SNX31: variants seen among roughly 807,000 people sequenced by gnomAD.
The protein encoded by SNX31 is sorting nexin-31.
A neutral mutation model predicts 65.4 loss-of-function variants in SNX31; 58 were observed. The ratio of observed to expected loss-of-function variants is 0.89; its 90% CI spans 0.72 to 1.10. The LOEUF is 1.10. SNX31 is among the 50% of genes least tolerant of loss of function. SNX31 has a pLI of 0.00. For synonymous variants in SNX31, 181 were observed against 190.1 expected (o/e 0.95, Z 0.39); for missense variants, 523 against 529.7 (o/e 0.99, Z 0.12).
rs1220838261 is a variant in SNX31, at chr8:100,648,641, A to G, written c.141+633T>C. On this transcript the variant is annotated intron_variant, in intron 2 of 13. Transcript: ENST00000311812. This position sits in a 1 kb window ranked among gnomAD's most constrained non-coding sequence, Gnocchi z 4.3. The stretch of plus-strand genomic sequence containing the variant: ...AACACCTCCTTATAAGAACAATGAA[A>G]CCCATTAGAGCAGACTAATAAATCA... 6.6e-6 allele frequency among the ~76,000 whole-genome samples: 1 copy of G among 152,158 alleles called. No individual in the cohort carries two copies. The highest frequency in any genetic ancestry group is 2.4e-5 in the African/African-American group (1 of 41,414).
At chr8:100,658,889 G>A (rs1809717063) in intron 1 of SNX31, among the ~76,000 whole-genome samples, 1 of 152,220 alleles carries the variant, frequency 6.6e-6, no homozygotes, top group South Asian at 2.1e-4. Flanking sequence ...CCTACTCTGT[G>A]CCCACTGGCT....
Position 100,625,415 on chromosome 8 carries a change from C to T in SNX31, c.321+4912G>A, listed in dbSNP as rs1428653511. 6.6e-6 allele frequency among the ~76,000 whole-genome samples: 1 copy of T among 151,896 alleles called. No individual in the cohort carries two copies. Among genetic ancestry groups the T allele is most frequent in the Non-Finnish European group, 1.5e-5 (1 of 67,990 alleles). ...TGCGCACCATGGCTATTAGACATTC[C>T]TCTGCCTCAGAGCAGAATAGCAACA... On this transcript the variant is annotated intron_variant, in intron 4 of 13. Transcript: ENST00000311812. This position sits in a 1 kb window ranked among gnomAD's most constrained non-coding sequence, Gnocchi z 4.2.
chr8:100,649,416 C>G, intron 1 of SNX31, 33 bp downstream of exon 1: 1 of 1,397,118 alleles, frequency 7.2e-7, no homozygotes, highest in Non-Finnish European at 1.0e-6. Flanking sequence ...CCGGCCCCCT[C>G]CCTGCCCACC....
At chr8:100,656,640 CAAAAAAAAAA>C (rs34052612) in intron 1 of SNX31, among the ~76,000 whole-genome samples, 2 of 44,600 alleles carry the variant, frequency 4.5e-5, no homozygotes, top group African/African-American at 8.2e-5. Flanking sequence ...GACTCTGTCT[CAAAAAAAAAA>C]AAAAAAAAAA....
intron 4 of SNX31, chr8:100,618,899 C>T (rs1817472616): frequency 6.5e-6 from 1 of 154,278 alleles, no homozygotes; most frequent in East Asian, 1.9e-4. Context: ...GGAAGCTCCT[C>T]AAACCCCATT....
rs1269875142 is a variant in SNX31 at position 100,641,646 on chromosome 8, ATATATATATATATG to A, written c.142-5649_142-5636del. On this transcript the variant is annotated intron_variant, in intron 2 of 13. Coordinates refer to ENST00000311812, the MANE Select transcript of SNX31 (RefSeq NM_152628.4). The stretch of plus-strand genomic sequence containing the variant: ...CGCGCATATATATATATATATATAT[ATATATATATATATG>A]TATGGTACTTGCCTGTAGCCATTTA... Among the ~76,000 whole-genome samples the A allele has an allele frequency of 4.7e-4, 23 of 49,344 alleles. 1 individual carries two copies. Among genetic ancestry groups the A allele is most frequent in the African/African-American group, 2.1e-3 (20 of 9,526 alleles). The allele number at this position is 49,344 out of a possible 152,430, so 32.4% of individuals were successfully genotyped here.
chr8:100,614,995 G>A lies in SNX31; in HGVS notation c.433-1910C>T, dbSNP rs749268642. Among the ~76,000 whole-genome samples the A allele has an allele frequency of 7.2e-5, 11 of 152,194 alleles. No homozygotes were observed. Among genetic ancestry groups the A allele is most frequent in the South Asian group, 2.1e-4 (1 of 4,826 alleles). On this transcript the variant is annotated intron_variant, in intron 5 of 13. Coordinates refer to ENST00000311812, the MANE Select transcript of SNX31 (RefSeq NM_152628.4). The surrounding 1 kb of genome is among the most constrained non-coding windows in gnomAD (Gnocchi z 5.1). Reference sequence around the variant, plus strand: ...GTGTGCTGGAGAAGATGCAGAAGGCGATTTTTAATTATAAAACTTAAATTA... The same window carrying A: ...GTGTGCTGGAGAAGATGCAGAAGGCAATTTTTAATTATAAAACTTAAATTA...
rs376024314 is a variant in SNX31 at position 100,606,536 on chromosome 8, G to A, written c.681+1958C>T. 9.9e-5 allele frequency among the ~76,000 whole-genome samples: 15 copies of A among 152,202 alleles called. No homozygotes were observed. In the South Asian group the frequency reaches 1.0e-3, roughly 11 times the overall value. On this transcript the variant is annotated intron_variant, in intron 8 of 13. Transcript: ENST00000311812. The stretch of plus-strand genomic sequence containing the variant: ...GGCTAAGTTTCTTTCCCTCTTCTAC[G>A]CCCTCTGGTAAGCCAGGGTAACAAA...
intron 10 of SNX31, 99 bp downstream of exon 10, chr8:100,596,540 A>G: frequency 1.0e-6 from 1 of 970,900 alleles, no homozygotes; most frequent in Admixed American, 1.9e-5. Flanking sequence ...CTCAAGGTAC[A>G]GATTCAAATG....
In SNX31 at chr8:100,629,907, G is replaced by T. The variant is rs1818302527; in HGVS notation, c.321+420C>A. On this transcript the variant is annotated intron_variant, in intron 4 of 13. Transcript: ENST00000311812. The surrounding 1 kb of genome is among the most constrained non-coding windows in gnomAD (Gnocchi z 5.1). ...GAATATACAAGGAATAGCCAGCATG[G>T]CCTGCTTTCCTGATGTCTTCACTGT... Among the ~76,000 whole-genome samples the T allele has an allele frequency of 2.6e-5, 4 of 152,316 alleles. No individual in the cohort carries two copies. In the South Asian group the frequency reaches 8.3e-4, roughly 32 times the overall value.
chr8:100,654,592 G>C (rs1381690657), upstream of SNX31, among the ~76,000 whole-genome samples: 1 of 152,216 alleles, frequency 6.6e-6, no homozygotes, highest in Non-Finnish European at 1.5e-5. Flanking sequence ...GCTGGGAATC[G>C]AGCCATGGCA....
intron 2 of SNX31, among the ~76,000 whole-genome samples, chr8:100,642,804 A>G (rs1406042277): frequency 6.6e-6 from 1 of 152,218 alleles, no homozygotes; most frequent in Non-Finnish European, 1.5e-5. Context: ...AAAGGAAAAC[A>G]TATCTGTTCT....
At position 100,586,167 on chromosome 8, in the gene SNX31, G is replaced by A. The variant is rs145299220; in HGVS notation, c.1093-1979C>T. Among the ~76,000 whole-genome samples, 683 of 152,156 alleles carry A rather than the reference G, an allele frequency of 4.5e-3. 3 individuals carry two copies. The highest frequency in any genetic ancestry group is 0.015 in the African/African-American group (609 of 41,510). On this transcript the variant is annotated intron_variant, in intron 11 of 13. Transcript: ENST00000311812. ...AGCTCCTGACCTCAAGTGATCTGCC[G>A]GCTTTGGCCTCCCAAATTGCTGGGA...
intron 9 of SNX31, among the ~76,000 whole-genome samples, chr8:100,599,057 CA>C (rs1218991298): frequency 6.6e-6 from 1 of 152,176 alleles, no homozygotes; most frequent in Non-Finnish European, 1.5e-5. Context: ...AAGAACTTGA[CA>C]AACAAATAAT....
intron 2 of SNX31, among the ~76,000 whole-genome samples, chr8:100,640,171 A>C (rs1819064643): frequency 6.6e-6 from 1 of 152,112 alleles, no homozygotes; most frequent in South Asian, 2.1e-4. Context: ...CTTGTTGCCC[A>C]GGCTGGAGTG....
chr8:100,659,230 T>C (rs7003292), intron 1 of SNX31, among the ~76,000 whole-genome samples: 10,357 of 151,660 alleles, frequency 0.068, 582 homozygotes, highest in Admixed American at 0.17. Context: ...CCTGTAATCC[T>C]AGCTACTCGG....
In SNX31 at chr8:100,648,540, A is replaced by G. The variant is rs1286177675; in HGVS notation, c.141+734T>C. ...AACAAAAAAACAAAAATCACTATTCATGGGGGAGTGGAGGAGGAGTGTAAA... is the reference window on the plus strand; with the variant it reads ...AACAAAAAAACAAAAATCACTATTCGTGGGGGAGTGGAGGAGGAGTGTAAA... On this transcript the variant is annotated intron_variant, in intron 2 of 13. Coordinates refer to ENST00000311812, the MANE Select transcript of SNX31 (RefSeq NM_152628.4). This position sits in a 1 kb window ranked among gnomAD's most constrained non-coding sequence, Gnocchi z 4.3. Among the ~76,000 whole-genome samples the G allele has an allele frequency of 6.6e-6, 1 of 152,146 alleles. No homozygotes were observed. The highest frequency in any genetic ancestry group is 1.5e-5 in the Non-Finnish European group (1 of 68,028).
rs189587532 is a variant in SNX31, at chr8:100,621,591, C to G, written c.322-3861G>C. On this transcript the variant is annotated intron_variant, in intron 4 of 13. Transcript: ENST00000311812. ...AGACCCAGCTAACATCCCCTCTGCC[C>G]TAGACTCCCCACTTCAATGGGCTCC... Among the ~76,000 whole-genome samples, 1,201 of 152,338 alleles carry G rather than the reference C, an allele frequency of 7.9e-3. 9 individuals carry two copies. Among genetic ancestry groups the G allele is most frequent in the Non-Finnish European group, 0.012 (843 of 68,030 alleles).
intron 2 of SNX31, among the ~76,000 whole-genome samples, chr8:100,641,595 T>TATATATATATATATACAC (rs1241411821): frequency 9.0e-5 from 2 of 22,102 alleles, no homozygotes; most frequent in Admixed American, 8.9e-4. Flanking sequence ...TATATATATA[T>TATATATATATATATACAC]ACACATACAC....
Sources: allele counts gnomAD v4.1 joint callset (sites outside exome capture counted in the v4.1 genomes callset), GRCh38; gene constraint gnomAD v4.1.1; non-coding constraint Gnocchi (gnomAD v3.1); transcripts MANE v1.5; gene names NCBI Gene and HGNC (gene_info 2026-07-23, HGNC 2026-07-21).